Variants in CADPS observed in about 807,000 individuals in gnomAD.
CADPS encodes calcium-dependent secretion activator 1.
In CADPS, 57 loss-of-function variants were observed where a neutral mutation model predicts 167.3. That is an observed-to-expected ratio of 0.34 (90% confidence interval 0.28 to 0.42). The LOEUF (loss-of-function observed/expected upper bound fraction) is 0.42. Among genes scored for constraint, CADPS ranks in the 20% least tolerant of loss-of-function variants. The probability of loss-of-function intolerance (pLI) is 1.00; values close to 1 mark genes in which losing one functional copy is unlikely to be tolerated. For synonymous variants in CADPS, 676 were observed against 635.3 expected, an observed-to-expected ratio of 1.06 and a Z score of -0.96; for missense variants, 1,414 against 1,738.1, an observed-to-expected ratio of 0.81 and a Z score of 3.32.
chr3:62,782,542 T>A (rs1339526623), intron 1 of CADPS, among the ~76,000 whole-genome samples: 3 of 152,172 alleles, frequency 2.0e-5, no homozygotes, highest in Non-Finnish European at 2.9e-5. Flanking sequence ...TCACATTTTT[T>A]CATGAAGACA....
intron 9 of CADPS, among the ~76,000 whole-genome samples, chr3:62,565,870 A>G (rs537596808): frequency 1.7e-4 from 26 of 152,244 alleles, no homozygotes; most frequent in Non-Finnish European, 1.8e-4. Context: ...AATCTCAGTC[A>G]GGGAGAATTT....
intron 1 of CADPS, among the ~76,000 whole-genome samples, chr3:62,808,968 G>T (rs2094256760): frequency 6.6e-6 from 1 of 152,038 alleles, no homozygotes; most frequent in South Asian, 2.1e-4. Context: ...GTACTCAACT[G>T]CACAAACCAA....
chr3:62,563,064 G>A (rs2079461959), intron 9 of CADPS, among the ~76,000 whole-genome samples: 1 of 152,158 alleles, frequency 6.6e-6, no homozygotes, highest in Non-Finnish European at 1.5e-5. Context: ...CTTGAGTCCT[G>A]GATCTAGTCA....
intron 11 of CADPS, among the ~76,000 whole-genome samples, chr3:62,547,206 C>G (rs1020250525): frequency 2.0e-5 from 3 of 152,100 alleles, no homozygotes; most frequent in Non-Finnish European, 2.9e-5. Flanking sequence ...AACCATGGGA[C>G]GGCTGGGATC....
intron 1 of CADPS, among the ~76,000 whole-genome samples, chr3:62,846,808 T>C (rs923388424): frequency 1.3e-5 from 2 of 152,024 alleles, no homozygotes; most frequent in Admixed American, 1.3e-4. Context: ...GTATTACAGG[T>C]GACTGCCACC....
At chr3:62,726,694 A>G (rs2076809878) in intron 3 of CADPS, among the ~76,000 whole-genome samples, 1 of 151,994 alleles carries the variant, frequency 6.6e-6, no homozygotes, top group South Asian at 2.1e-4. Context: ...TAATAATAAT[A>G]AAGGATTCCA....
chr3:62,862,341 C>T (rs888744964), intron 1 of CADPS, among the ~76,000 whole-genome samples: 5 of 151,568 alleles, frequency 3.3e-5, no homozygotes, highest in Non-Finnish European at 7.4e-5. Context: ...CTCAACTTCC[C>T]GAGTAGCTGG....
chr3:62,762,676 A>G (rs1337863648), intron 2 of CADPS, among the ~76,000 whole-genome samples: 2 of 149,548 alleles, frequency 1.3e-5, no homozygotes, highest in Non-Finnish European at 1.5e-5. Context: ...AAAAAAAAAA[A>G]GGTATATGGG....
intron 1 of CADPS, among the ~76,000 whole-genome samples, chr3:62,865,615 C>A (rs1207278847): frequency 1.3e-5 from 2 of 151,930 alleles, no homozygotes; most frequent in African/African-American, 4.8e-5. Flanking sequence ...AAACCTTTTT[C>A]CCACTTGTTA....
At chr3:62,854,711 C>A (rs1370997755) in intron 1 of CADPS, among the ~76,000 whole-genome samples, 1 of 152,062 alleles carries the variant, frequency 6.6e-6, no homozygotes, top group African/African-American at 2.4e-5. Context: ...ATCTTCTTCC[C>A]AATGTAAAAC....
intron 6 of CADPS, among the ~76,000 whole-genome samples, chr3:62,610,572 C>T (rs961949382): frequency 2.0e-5 from 3 of 152,112 alleles, no homozygotes; most frequent in African/African-American, 4.8e-5. Flanking sequence ...TGAGGAAGGC[C>T]ATAACTAAAC....
At chr3:62,582,700 T>C (rs554966927) in intron 8 of CADPS, among the ~76,000 whole-genome samples, 8 of 152,238 alleles carry the variant, frequency 5.3e-5, no homozygotes, top group Non-Finnish European at 1.0e-4. Context: ...AGAGCTATTT[T>C]AAGCTCTCTT....
chr3:62,562,068 T>C (rs780634059), intron 9 of CADPS, among the ~76,000 whole-genome samples: 1 of 152,198 alleles, frequency 6.6e-6, no homozygotes, highest in Non-Finnish European at 1.5e-5. Context: ...GTTATTTTAA[T>C]AGTGGCAAAT....
chr3:62,804,160 A>T (rs2093945592), intron 1 of CADPS, among the ~76,000 whole-genome samples: 1 of 152,158 alleles, frequency 6.6e-6, no homozygotes, highest in Non-Finnish European at 1.5e-5. Flanking sequence ...ATTACATGCT[A>T]CATGTGGACA....
chr3:62,860,471 C>T (rs1327711957), intron 1 of CADPS, among the ~76,000 whole-genome samples: 1 of 152,164 alleles, frequency 6.6e-6, no homozygotes, highest in Admixed American at 6.5e-5. Flanking sequence ...TCTGCATATG[C>T]TCAAGTCTCA....
At chr3:62,610,728 T>G (rs1029263433) in intron 6 of CADPS, among the ~76,000 whole-genome samples, 1 of 151,970 alleles carries the variant, frequency 6.6e-6, no homozygotes, top group East Asian at 1.9e-4. Flanking sequence ...GCAAGGGGAG[T>G]GTGAGACCCC....
At chr3:62,616,618 C>T (rs1355545) in intron 6 of CADPS, among the ~76,000 whole-genome samples, 57,884 of 151,878 alleles carry the variant, frequency 0.38, 11,254 homozygotes, top group African/African-American at 0.43. Context: ...TAGTTTGCAA[C>T]CCCACATTTT....
chr3:62,477,890 C>CT (rs1372223478), intron 23 of CADPS: 7 of 198,022 alleles, frequency 3.5e-5, no homozygotes, highest in African/African-American at 1.4e-4. Context: ...GCATATTCTT[C>CT]TTTTTTTCCC....
chr3:62,403,070 T>C lies in CADPS; in HGVS notation c.3882+11A>G. On this transcript the variant is annotated intron_variant, in intron 29 of 29. Coordinates refer to ENST00000383710, the MANE Select transcript of CADPS (RefSeq NM_003716.4). ...CTATTTGCAAAGAAGAATAATAATC[T>C]TTTCTTTTACCTTTACCATCCTAAT... 2 of 1,528,936 alleles carry C rather than the reference T, an allele frequency of 1.3e-6. No individual in the cohort carries two copies. Among genetic ancestry groups the C allele is most frequent in the Non-Finnish European group, 1.8e-6 (2 of 1,105,858 alleles). 94.7% of individuals were successfully genotyped at this position (1,528,936 alleles called of 1,614,324 possible).
Sources: allele counts gnomAD v4.1 joint callset (sites outside exome capture counted in the v4.1 genomes callset), GRCh38; gene constraint gnomAD v4.1.1; transcripts MANE v1.5; gene names NCBI Gene and HGNC (gene_info 2026-07-23, HGNC 2026-07-21).